The following DENND1A variants were observed in gnomAD, a reference collection of about 807,000 sequenced individuals.
The protein encoded by DENND1A is DENN domain containing 1A.
Under a neutral mutation model 113.7 loss-of-function variants are expected in DENND1A, and 51 were observed. The ratio of observed to expected loss-of-function variants is 0.45; its 90% CI spans 0.36 to 0.57. The LOEUF (loss-of-function observed/expected upper bound fraction) is 0.57. Among genes scored for constraint, DENND1A ranks in the 20% least tolerant of loss-of-function variants. The pLI is 0.00. For missense variants in DENND1A, 1,258 were observed against 1,395.9 expected, an observed-to-expected ratio of 0.90 and a Z score of 1.57; for synonymous variants, 565 against 570.8, an observed-to-expected ratio of 0.99 and a Z score of 0.14.
chr9:123,928,591 T>C (rs1857499101), intron 1 of DENND1A: 5 of 985,318 alleles, frequency 5.1e-6, no homozygotes, highest in East Asian at 1.1e-4. Context: ...TCCATTTTCA[T>C]TACCATAAGC....
At chr9:123,688,314 C>A (rs779038422) in intron 5 of DENND1A, among the ~76,000 whole-genome samples, 1 of 152,156 alleles carries the variant, frequency 6.6e-6, no homozygotes. Context: ...GTATGTTACA[C>A]AGTGATTATA....
intron 5 of DENND1A, among the ~76,000 whole-genome samples, chr9:123,681,787 A>G (rs2064477992): frequency 1.3e-5 from 2 of 152,180 alleles, no homozygotes; most frequent in Non-Finnish European, 2.9e-5. Context: ...GAGATATCCC[A>G]ATTATAATGA....
chr9:123,432,295 C>G (rs532853471), intron 19 of DENND1A, among the ~76,000 whole-genome samples: 5 of 152,360 alleles, frequency 3.3e-5, no homozygotes, highest in Admixed American at 3.3e-4. Flanking sequence ...AGAAAGCTGT[C>G]TCTGGGCTAG....
chr9:123,514,111 TGTGTGTGTGTCC>T, intron 13 of DENND1A, among the ~76,000 whole-genome samples: 1 of 34,712 alleles, frequency 2.9e-5, no homozygotes, highest in Non-Finnish European at 1.4e-4. Flanking sequence ...TGTGTGTGTC[TGTGTGTGTGTCC>T]ATGACACCCA....
chr9:123,583,531 T>A (rs548942362), intron 11 of DENND1A, among the ~76,000 whole-genome samples: 2 of 152,132 alleles, frequency 1.3e-5, no homozygotes, highest in South Asian at 4.1e-4. Flanking sequence ...CCAGGTCACA[T>A]AGCCAGAAAG....
intron 5 of DENND1A, among the ~76,000 whole-genome samples, chr9:123,687,966 T>A (rs1430436864): frequency 1.3e-5 from 2 of 152,174 alleles, no homozygotes; most frequent in Non-Finnish European, 2.9e-5. Flanking sequence ...AACTACAAGA[T>A]CCACCTAGGT....
intron 2 of DENND1A, among the ~76,000 whole-genome samples, chr9:123,873,131 A>G (rs1471929255): frequency 2.0e-5 from 3 of 152,238 alleles, no homozygotes; most frequent in East Asian, 1.9e-4. Context: ...AAAGGCAAAC[A>G]TAAGTTGTAT....
intron 2 of DENND1A, among the ~76,000 whole-genome samples, chr9:123,842,624 C>T (rs1841996985): frequency 6.6e-6 from 1 of 152,090 alleles, no homozygotes; most frequent in African/African-American, 2.4e-5. Context: ...GATTGAATTA[C>T]TAATTTGAAA....
chr9:123,764,932 T>C lies in DENND1A; in HGVS notation c.182+4582A>G, dbSNP rs993988423. ...TCGTTGTCATCAACACTGTAGAAAA[T>C]AATCATGGGGCACAGCTGAACCTAT... On this transcript the variant is annotated intron_variant, in intron 4 of 23. Transcript: ENST00000394215. The surrounding 1 kb of genome is among the most constrained non-coding windows in gnomAD (Gnocchi z 4.1). 6.6e-6 allele frequency among the ~76,000 whole-genome samples: 1 copy of C among 151,992 alleles called. No individual in the cohort carries two copies. Among genetic ancestry groups the C allele is most frequent in the Non-Finnish European group, 1.5e-5 (1 of 68,008 alleles).
intron 18 of DENND1A, among the ~76,000 whole-genome samples, chr9:123,449,382 A>G (rs2047538440): frequency 6.6e-6 from 1 of 152,192 alleles, no homozygotes; most frequent in Non-Finnish European, 1.5e-5. Flanking sequence ...TAAAAATACA[A>G]AAATTAGCCA....
chr9:123,457,951 G>A, intron 13 of DENND1A, 54 bp from the exon 14 acceptor site: 4 of 1,318,570 alleles, frequency 3.0e-6, no homozygotes, highest in Non-Finnish European at 4.2e-6. Flanking sequence ...AGAGCCATCA[G>A]TTTTGAAATT....
At chr9:123,768,064 T>G (rs1829115561) in intron 4 of DENND1A, among the ~76,000 whole-genome samples, 1 of 152,162 alleles carries the variant, frequency 6.6e-6, no homozygotes, top group Non-Finnish European at 1.5e-5. Flanking sequence ...CTTCCTTGCA[T>G]TTTTAGGAGG....
rs367859970 is a variant in DENND1A at position 123,919,193 on chromosome 9, C to T, written c.17+10696G>A. Among the ~76,000 whole-genome samples, 21 of 151,952 alleles carry T rather than the reference C, an allele frequency of 1.4e-4. No homozygotes were observed. The East Asian group carries it at 2.5e-3, about 18-fold the overall frequency. On this transcript the variant is annotated intron_variant, in intron 1 of 23. Transcript: ENST00000394215. ...TTTAATAACATTAAAATTTTTTGAC[C>T]GGGTGCAGTGGCTCATGCCTGTAAT...
chr9:123,509,559 C>G (rs1183156129), intron 13 of DENND1A, among the ~76,000 whole-genome samples: 1 of 152,196 alleles, frequency 6.6e-6, no homozygotes, highest in East Asian at 1.9e-4. Flanking sequence ...GATGGCACAT[C>G]CCCAGTGAAC....
intron 13 of DENND1A, among the ~76,000 whole-genome samples, chr9:123,462,546 C>T (rs1487700306): frequency 6.6e-6 from 1 of 152,182 alleles, no homozygotes; most frequent in Non-Finnish European, 1.5e-5. Context: ...TCTGTAATCT[C>T]AGCAATTTGG....
intron 13 of DENND1A, among the ~76,000 whole-genome samples, chr9:123,549,738 T>C (rs1239588283): frequency 6.6e-6 from 1 of 152,188 alleles, no homozygotes. Flanking sequence ...AAAATGCATA[T>C]GAAATCTTGT....
intron 2 of DENND1A, among the ~76,000 whole-genome samples, chr9:123,839,658 C>T (rs1314846319): frequency 1.3e-5 from 2 of 152,216 alleles, no homozygotes; most frequent in Non-Finnish European, 2.9e-5. Flanking sequence ...AATGAAAGCA[C>T]AGCTCCACAG....
chr9:123,542,336 G>A (rs2056351504), intron 13 of DENND1A, among the ~76,000 whole-genome samples: 1 of 152,216 alleles, frequency 6.6e-6, no homozygotes, highest in Non-Finnish European at 1.5e-5. Flanking sequence ...AGTAACTTGT[G>A]TAGAGTCACA....
intron 13 of DENND1A, among the ~76,000 whole-genome samples, chr9:123,474,254 C>T (rs1312717136): frequency 6.6e-6 from 1 of 152,172 alleles, no homozygotes; most frequent in Non-Finnish European, 1.5e-5. Flanking sequence ...CTCGGCCTCC[C>T]AAAGTGTTGG....
Sources: gnomAD v4.1 joint callset for allele counts (sites outside exome capture counted in the v4.1 genomes callset) on GRCh38, gnomAD v4.1.1 for gene constraint, Gnocchi (gnomAD v3.1) non-coding constraint, MANE v1.5 for transcripts, NCBI Gene and HGNC (gene_info 2026-07-23, HGNC 2026-07-21) for gene names.